JAM2: variants seen among roughly 807,000 people sequenced by gnomAD.
JAM2 encodes the protein junctional adhesion molecule 2.
Under a neutral mutation model 42.0 loss-of-function variants are expected in JAM2, and 17 were observed. The ratio of observed to expected loss-of-function variants is 0.40; its 90% CI spans 0.28 to 0.61. JAM2 has a LOEUF of 0.61. Ranked by LOEUF, JAM2 falls within the 20% of genes least tolerant of loss-of-function variation. The pLI, the probability that JAM2 is intolerant of heterozygous loss-of-function variation, is 0.37. For missense variants in JAM2, 319 were observed against 358.3 expected (o/e 0.89, Z 0.89); for synonymous variants, 118 against 128.6 (o/e 0.92, Z 0.56).
chr21:25,667,087 A>G (rs2033242131), intron 1 of JAM2, among the ~76,000 whole-genome samples: 1 of 152,232 alleles, frequency 6.6e-6, no homozygotes, highest in Non-Finnish European at 1.5e-5. Flanking sequence ...CCTTATCCAC[A>G]GTTTTCCTTT....
intron 3 of JAM2, among the ~76,000 whole-genome samples, chr21:25,691,038 T>G (rs1306945424): frequency 6.6e-6 from 1 of 152,212 alleles, no homozygotes; most frequent in Non-Finnish European, 1.5e-5. Context: ...AATGATACAT[T>G]GAGGTACAAT....
chr21:25,690,300 C>G (rs1032062218), intron 3 of JAM2, among the ~76,000 whole-genome samples: 1 of 148,158 alleles, frequency 6.7e-6, no homozygotes, highest in African/African-American at 2.5e-5. Flanking sequence ...TTATTTCTTT[C>G]TTTCTCTTCC....
rs1381602538 is a variant in JAM2, at chr21:25,698,695, C to G, written c.413C>G (p.Ser138Ter). Reference sequence around the variant, plus strand: ...TGTTCAGTGGCTCCAGCAGTTCCATCATGTGAAGTACCCTCTTCTGCTCTG... The same window carrying G: ...TGTTCAGTGGCTCCAGCAGTTCCATGATGTGAAGTACCCTCTTCTGCTCTG... ...LEVLVAPAVP[S>*]CEVPSSALSG... Residue 138 changes from serine to a stop codon, truncating the protein, a stop_gained, in exon 5 of 10, where the codon TCA (serine) becomes TGA (stop). Coordinates refer to ENST00000480456, the MANE Select transcript of JAM2 (RefSeq NM_021219.4). LOFTEE classifies it high-confidence loss of function. The G allele has an allele frequency of 6.2e-7, 1 of 1,613,756 alleles. No individual in the cohort carries two copies. The highest frequency in any genetic ancestry group is 8.5e-7 in the Non-Finnish European group (1 of 1,179,806).
At chr21:25,673,193 A>G (rs770177803) in intron 1 of JAM2, among the ~76,000 whole-genome samples, 3 of 152,196 alleles carry the variant, frequency 2.0e-5, no homozygotes, top group Non-Finnish European at 4.4e-5. Context: ...ACAATTGAAC[A>G]TGTGCAGGAC....
chr21:25,674,471 C>A lies in JAM2; in HGVS notation c.68-9412C>A, dbSNP rs558307950. 1.9e-4 allele frequency among the ~76,000 whole-genome samples: 29 copies of A among 152,238 alleles called. No individual in the cohort carries two copies. The South Asian group carries it at 4.8e-3, about 25-fold the overall frequency. On this transcript the variant is annotated intron_variant, in intron 1 of 9. Transcript: ENST00000480456. ...GCAGTGTGAGAACAGACTAATATAT[C>A]TGTCAAATGAGGATTTTAGTGCAGT...
chr21:25,651,016 A>G (rs1046641297), intron 1 of JAM2, among the ~76,000 whole-genome samples: 1 of 150,818 alleles, frequency 6.6e-6, no homozygotes, highest in African/African-American at 2.4e-5. Context: ...CAGAGATCTA[A>G]ATGTAAATAG....
At chr21:25,681,890 G>A (rs987763256) in intron 1 of JAM2, among the ~76,000 whole-genome samples, 2 of 152,182 alleles carry the variant, frequency 1.3e-5, no homozygotes, top group Non-Finnish European at 2.9e-5. Context: ...GCTGAGGCAG[G>A]AGAATGGCGT....
At chr21:25,684,489 G>A (rs1467697405) in intron 2 of JAM2, among the ~76,000 whole-genome samples, 3 of 152,150 alleles carry the variant, frequency 2.0e-5, no homozygotes, top group Non-Finnish European at 4.4e-5. Flanking sequence ...GTTAAAAATG[G>A]TCAAGATGGT....
At chr21:25,695,542 G>C (rs984458539) in intron 4 of JAM2, among the ~76,000 whole-genome samples, 7 of 151,974 alleles carry the variant, frequency 4.6e-5, no homozygotes, top group Non-Finnish European at 8.8e-5. Flanking sequence ...TCACTTCCCA[G>C]ACAGGGCGGC....
intron 1 of JAM2, among the ~76,000 whole-genome samples, chr21:25,651,550 G>C (rs1368899533): frequency 2.0e-5 from 3 of 152,122 alleles, no homozygotes; most frequent in African/African-American, 7.2e-5. Context: ...TCTAGCCTTT[G>C]ACCCATCATA....
At chr21:25,648,709 C>G (rs1471240617) in intron 1 of JAM2, among the ~76,000 whole-genome samples, 1 of 152,158 alleles carries the variant, frequency 6.6e-6, no homozygotes, top group Non-Finnish European at 1.5e-5. Flanking sequence ...TCTTTATTCT[C>G]TTATGGCACT....
At chr21:25,689,403 C>A (rs953788684) in intron 2 of JAM2, among the ~76,000 whole-genome samples, 11 of 152,184 alleles carry the variant, frequency 7.2e-5, no homozygotes, top group Non-Finnish European at 1.5e-4. Context: ...GCATGAATCA[C>A]CATCTGCATA....
In JAM2 at chr21:25,639,876, G is replaced by T. The variant is rs759972171; in HGVS notation, c.55G>T (p.Val19Phe). Residue 19 changes from valine to phenylalanine, a missense_variant, in exon 1 of 10, where the codon GTC (valine) becomes TTC (phenylalanine). Transcript: ENST00000480456. ...CCTGCTGCTGCTGCGCTACCTGGTG[G>T]TCGCCCTGGGCTGTAAGTTGCTCGG... ...LLLLLLRYLV[V>F]ALGYHKAYGF... The T allele has an allele frequency of 1.9e-6, 3 of 1,591,622 alleles. No individual in the cohort carries two copies. The highest frequency in any genetic ancestry group is 2.6e-6 in the Non-Finnish European group (3 of 1,170,128).
chr21:25,662,385 A>C (rs946634361), intron 1 of JAM2, among the ~76,000 whole-genome samples: 1 of 152,220 alleles, frequency 6.6e-6, no homozygotes, highest in Admixed American at 6.5e-5. Flanking sequence ...CCTGGGCTCA[A>C]ACAGTCCTCC....
At chr21:25,712,192 A>G (rs1020866750) in intron 8 of JAM2, 148 bp from the exon 9 acceptor site, 5 of 674,016 alleles carry the variant, frequency 7.4e-6, no homozygotes, top group African/African-American at 3.6e-5. Context: ...TAAGAAATTC[A>G]GTAAGAATTG....
At chr21:25,644,596 T>G (rs1284709462) in intron 1 of JAM2, among the ~76,000 whole-genome samples, 1 of 152,242 alleles carries the variant, frequency 6.6e-6, no homozygotes, top group Admixed American at 6.5e-5. Flanking sequence ...ATTTATCCAT[T>G]TCAAAGTCAG....
intron 1 of JAM2, among the ~76,000 whole-genome samples, chr21:25,659,108 A>G (rs2033013575): frequency 6.6e-6 from 1 of 152,226 alleles, no homozygotes; most frequent in African/African-American, 2.4e-5. Context: ...CATGTTCTGA[A>G]AATATTATTT....
rs540885883 is a variant in JAM2 at position 25,694,153 on chromosome 21, A to C, written c.394+245A>C. Among the ~76,000 whole-genome samples, 8 of 152,348 alleles carry C rather than the reference A, an allele frequency of 5.3e-5. 1 individual carries two copies. In the East Asian group the frequency reaches 1.5e-3, roughly 29 times the overall value. ...GTATCTCTTTGTTAAAGGTGGAGGC[A>C]ATTCCTAATGATCCTACAATATACA... On this transcript the variant is annotated intron_variant, in intron 4 of 9. Transcript: ENST00000480456.
intron 6 of JAM2, among the ~76,000 whole-genome samples, chr21:25,703,118 C>T (rs555629722): frequency 2.0e-5 from 3 of 152,320 alleles, no homozygotes; most frequent in Non-Finnish European, 4.4e-5. Flanking sequence ...TCCCAAAGTG[C>T]TGGGATTACA....
Sources: allele counts gnomAD v4.1 joint callset (sites outside exome capture counted in the v4.1 genomes callset), GRCh38; gene constraint gnomAD v4.1.1; transcripts MANE v1.5; gene names NCBI Gene and HGNC (gene_info 2026-07-23, HGNC 2026-07-21).